The following CEP164 variants were observed in gnomAD, a reference collection of about 807,000 sequenced individuals.
CEP164 encodes the protein centrosomal protein of 164 kDa.
CEP164 carries 162 observed loss-of-function variants against 182.7 expected under a neutral mutation model. The observed-to-expected ratio is 0.89, with a 90% CI of 0.78 to 1.01. CEP164 has a LOEUF of 1.01. CEP164 is among the 50% of genes least tolerant of loss of function. The pLI, the probability that CEP164 is intolerant of heterozygous loss-of-function variation, is 0.00. For missense variants in CEP164, 1,735 were observed against 1,790.4 expected, an observed-to-expected ratio of 0.97 and a Z score of 0.56; for synonymous variants, 661 against 690.0, an observed-to-expected ratio of 0.96 and a Z score of 0.66.
chr11:117,329,691 AC>A lies in CEP164; in HGVS notation c.-98+1789del, dbSNP rs2035886504. On this transcript the variant is annotated intron_variant, in intron 1 of 32. Transcript: ENST00000278935. ...CGAGTAGCTGGGACTACAGGTGGGC[AC>A]CACAACTCCTGGCTAATTTTTTGTA... Among the ~76,000 whole-genome samples, 3 of 152,062 alleles carry A rather than the reference AC, an allele frequency of 2.0e-5. No homozygotes were observed. The South Asian group carries it at 6.2e-4, about 32-fold the overall frequency.
intron 27 of CEP164, among the ~76,000 whole-genome samples, chr11:117,398,300 A>C (rs1215185824): frequency 6.6e-6 from 1 of 152,202 alleles, no homozygotes; most frequent in African/African-American, 2.4e-5. Context: ...GGGTACAGCA[A>C]TGCAGCCAGA....
chr11:117,388,512 G>A (rs745865484), intron 15 of CEP164, among the ~76,000 whole-genome samples: 8 of 152,166 alleles, frequency 5.3e-5, no homozygotes, highest in Non-Finnish European at 1.0e-4. Context: ...CTCTCCTTCC[G>A]TCTGCTGGGA....
Position 117,410,007 on chromosome 11 carries a change from C to T in CEP164, c.4096+42C>T, listed in dbSNP as rs768974140. ...GCGGAGCCTTCCCACCTGCCTCCTC[C>T]TCCTCCTCTTCCTTCCTTTTCTTCT... On this transcript the variant is annotated intron_variant, in intron 30 of 32. Transcript: ENST00000278935. 11 of 1,546,196 alleles carry T rather than the reference C, an allele frequency of 7.1e-6. 1 individual carries two copies. The highest frequency in any genetic ancestry group is 3.3e-5 in the South Asian group (3 of 89,558).
chr11:117,392,309 A>G lies in CEP164; in HGVS notation c.2361+6A>G. The G allele has an allele frequency of 6.2e-7, 1 of 1,609,038 alleles. No individual in the cohort carries two copies. The highest frequency in any genetic ancestry group is 8.5e-7 in the Non-Finnish European group (1 of 1,179,258). ...TGGAGGCCAAGCACCGGGAGGTAAG[A>G]TGCAGCATCCTGGGCCCCCTTCATG... On this transcript the variant is annotated splice_donor_region_variant and intron_variant, in intron 18 of 32. Coordinates refer to ENST00000278935, the MANE Select transcript of CEP164 (RefSeq NM_014956.5).
At chr11:117,349,919 C>T (rs188695316) in intron 4 of CEP164, among the ~76,000 whole-genome samples, 33 of 152,124 alleles carry the variant, frequency 2.2e-4, no homozygotes, top group African/African-American at 7.2e-4. Context: ...GGATTACAGG[C>T]ACACGCCACC....
Position 117,361,935 on chromosome 11 carries a change from A to G in CEP164, c.494A>G (p.Gln165Arg). 1.9e-6 allele frequency: 3 copies of G among 1,609,138 alleles called. No homozygotes were observed. The highest frequency in any genetic ancestry group is 2.5e-6 in the Non-Finnish European group (3 of 1,177,902). The change falls in exon 6 of 33, where the codon CAA becomes CGA. Residue 165 changes from glutamine to arginine, a missense_variant. Gln to Arg is a conservative substitution (Grantham distance 43, BLOSUM62 1). Transcript: ENST00000278935. ...DTPPSALRGS[Q>R]SVSLGSSVES... ...CCACCCTCTGCTCTTCGTGGATCTC[A>G]AAGCGTGAGCCTGGGGAGCTCAGTG...
At chr11:117,396,490 G>T in intron 25 of CEP164, 60 bp from the exon 26 acceptor site, 1 of 1,417,406 alleles carries the variant, frequency 7.1e-7, no homozygotes, top group South Asian at 1.1e-5. Flanking sequence ...TTGGGGTCTT[G>T]AACCTGCAGG....
chr11:117,344,358 G>C, intron 4 of CEP164, 81 bp downstream of exon 4: 1 of 941,250 alleles, frequency 1.1e-6, no homozygotes. Flanking sequence ...GTTTGAACTG[G>C]CCAGCTTTTC....
rs74653460 is a variant in CEP164, at chr11:117,411,896, G to C, written c.4265G>C (p.Arg1422Pro). ...GAGGCCAACCGGAGGTGGCTGGAAC[G>C]TGTCAAGAATGACCCCAGGTTGTAT... The part of the protein sequence containing the change: ...IIEANRRWLE[R>P]VKNDPRLPLF... Residue 1422 changes from arginine to proline, a missense_variant, in exon 32 of 33, where the codon CGT becomes CCT. Arg to Pro is a moderately radical substitution (Grantham distance 103). Coordinates refer to ENST00000278935, the MANE Select transcript of CEP164 (RefSeq NM_014956.5). The surrounding 1 kb of genome is among the most constrained non-coding windows in gnomAD (Gnocchi z 4.4). 23 of 1,614,124 alleles carry C rather than the reference G, an allele frequency of 1.4e-5. No individual in the cohort carries two copies. Among genetic ancestry groups the C allele is most frequent in the Non-Finnish European group, 1.6e-5 (19 of 1,180,020 alleles).
intron 8 of CEP164, among the ~76,000 whole-genome samples, chr11:117,366,135 T>C (rs530646075): frequency 1.3e-5 from 2 of 152,066 alleles, no homozygotes; most frequent in South Asian, 4.2e-4. Flanking sequence ...GGGCTTTTCC[T>C]GTTGGGAGTG....
Position 117,408,904 on chromosome 11 carries a change from C to T in CEP164, c.3624C>T (p.Gly1208=). 1 of 1,614,116 alleles carries T rather than the reference C, an allele frequency of 6.2e-7. No homozygotes were observed. Among genetic ancestry groups the T allele is most frequent in the South Asian group, 1.1e-5 (1 of 91,078 alleles). The change falls in exon 29 of 33, where the codon GGC becomes GGT. Residue 1208 remains glycine (G), a synonymous_variant. Coordinates refer to ENST00000278935, the MANE Select transcript of CEP164 (RefSeq NM_014956.5). Reference sequence around the variant, plus strand: ...TTACCCCACAGGCCTCAGATGAGGGCACTCTGGGAGGATCCCCCACCAAGA... The same window carrying T: ...TTACCCCACAGGCCTCAGATGAGGGTACTCTGGGAGGATCCCCCACCAAGA... ...SSLWEEASDE[G]TLGGSPTKKA... is the part of the protein sequence containing the mutation.
chr11:117,399,227 T>TG (rs1592426112), intron 27 of CEP164, among the ~76,000 whole-genome samples: 1 of 152,198 alleles, frequency 6.6e-6, no homozygotes, highest in East Asian at 1.9e-4. Flanking sequence ...AGTGAGAACA[T>TG]GCAGTGTTTG....
chr11:117,377,375 C>T (rs2042866726), intron 11 of CEP164, among the ~76,000 whole-genome samples: 1 of 152,164 alleles, frequency 6.6e-6, no homozygotes, highest in Non-Finnish European at 1.5e-5. Context: ...TGCTCTGTGG[C>T]CTGGGGGTTG....
chr11:117,351,677 C>A (rs751079786), intron 4 of CEP164, 113 bp from the exon 5 acceptor site: 99 of 927,960 alleles, frequency 1.1e-4, no homozygotes, highest in Non-Finnish European at 1.5e-4. Flanking sequence ...CTTTTCCACC[C>A]CACTCTCTTC....
chr11:117,373,837 T>G lies in CEP164; in HGVS notation c.1233+6T>G, dbSNP rs748215912. The G allele has an allele frequency of 8.1e-6, 13 of 1,613,222 alleles. No individual in the cohort carries two copies. The highest frequency in any genetic ancestry group is 1.1e-5 in the Non-Finnish European group (13 of 1,179,276). On this transcript the variant is annotated splice_donor_region_variant and intron_variant, in intron 10 of 32. Coordinates refer to ENST00000278935, the MANE Select transcript of CEP164 (RefSeq NM_014956.5). The stretch of plus-strand genomic sequence containing the variant: ...CCAAGTCCTTCCATGGCCTGGTGAG[T>G]TTGAGATGAGGGCAGTAGAGTGGTG...
intron 1 of CEP164, 58 bp from the exon 2 acceptor site, chr11:117,335,547 T>G (rs886803155): frequency 6.6e-6 from 1 of 151,716 alleles, no homozygotes; most frequent in East Asian, 1.9e-4. Context: ...AGTCTCCAGA[T>G]CCAGCCATTT....
chr11:117,356,626 C>T (rs2040323858), intron 5 of CEP164: 1 of 1,279,864 alleles, frequency 7.8e-7, no homozygotes, highest in African/African-American at 1.5e-5. Context: ...AGGTAGGCTT[C>T]TTAGTGAGCA....
chr11:117,372,582 AT>A (rs1441097785), intron 9 of CEP164, among the ~76,000 whole-genome samples: 2 of 151,332 alleles, frequency 1.3e-5, no homozygotes, highest in East Asian at 3.9e-4. Context: ...CACCCAGCTA[AT>A]TTTTTGTATT....
chr11:117,403,127 G>T (rs1000240645), intron 27 of CEP164, among the ~76,000 whole-genome samples: 2 of 152,182 alleles, frequency 1.3e-5, no homozygotes, highest in African/African-American at 4.8e-5. Context: ...TATGCAGTTT[G>T]CCAGTCTGTG....
Sources: gnomAD v4.1 joint callset for allele counts (sites outside exome capture counted in the v4.1 genomes callset) on GRCh38, gnomAD v4.1.1 for gene constraint, Gnocchi (gnomAD v3.1) non-coding constraint, MANE v1.5 for transcripts, NCBI Gene and HGNC (gene_info 2026-07-23, HGNC 2026-07-21) for gene names.